Variants in TOGARAM1 observed in about 807,000 individuals in gnomAD.
TOGARAM1 encodes TOG array regulator of axonemal microtubules 1.
In TOGARAM1, 100 loss-of-function variants were observed where a neutral mutation model predicts 166.6. That is an observed-to-expected ratio of 0.60 (90% CI 0.51 to 0.71). TOGARAM1 has a LOEUF of 0.71. TOGARAM1 is among the 30% of genes least tolerant of loss of function. The pLI is 0.00. For missense variants in TOGARAM1, 2,029 were observed against 2,102.7 expected (o/e 0.96, Z 0.69); for synonymous variants, 758 against 763.8 (o/e 0.99, Z 0.13).
At chr14:45,003,952 A>G in intron 3 of TOGARAM1, 109 bp from the exon 4 acceptor site, 4 of 774,538 alleles carry the variant, frequency 5.2e-6, no homozygotes, top group Non-Finnish European at 7.9e-6. Flanking sequence ...ACAAAAATAT[A>G]CATGCCAATT....
chr14:44,984,588 C>T (rs1031837485), intron 1 of TOGARAM1, among the ~76,000 whole-genome samples: 1 of 150,912 alleles, frequency 6.6e-6, no homozygotes, highest in African/African-American at 2.4e-5. Flanking sequence ...GGGCAATATA[C>T]GAGACCCTGT....
At position 45,001,199 on chromosome 14, in the gene TOGARAM1, A is replaced by C. The variant is rs569255945; in HGVS notation, c.2338+1702A>C. On this transcript the variant is annotated intron_variant, in intron 3 of 19. Transcript: ENST00000361462. Reference sequence around the variant, plus strand: ...TTTAACTGGAGTGACATGATATCTTATTGTGGTTTTGATTTGCACTAGACC... The same window carrying C: ...TTTAACTGGAGTGACATGATATCTTCTTGTGGTTTTGATTTGCACTAGACC... Among the ~76,000 whole-genome samples the C allele has an allele frequency of 1.6e-4, 24 of 152,286 alleles. 3 individuals are homozygous for C. Among genetic ancestry groups the C allele is most frequent in the African/African-American group, 5.1e-4 (21 of 41,576 alleles).
intron 5 of TOGARAM1, 134 bp from the exon 6 acceptor site, chr14:45,008,773 ATATTAG>A (rs1176647766): frequency 3.4e-6 from 2 of 596,024 alleles, no homozygotes; most frequent in Non-Finnish European, 5.8e-6. Context: ...ATATACATAT[ATATTAG>A]TATTCATCTT....
intron 16 of TOGARAM1, among the ~76,000 whole-genome samples, chr14:45,065,441 A>G (rs1883096058): frequency 6.6e-6 from 1 of 152,226 alleles, no homozygotes; most frequent in Non-Finnish European, 1.5e-5. Flanking sequence ...CAAAAATCTC[A>G]TAATGTTTTA....
At chr14:45,001,590 AAAG>A (rs1246270786) in intron 3 of TOGARAM1, among the ~76,000 whole-genome samples, 1 of 152,210 alleles carries the variant, frequency 6.6e-6, no homozygotes, top group Non-Finnish European at 1.5e-5. Flanking sequence ...AAAATGGGCA[AAAG>A]ATCTGAGTAG....
intron 1 of TOGARAM1, 147 bp downstream of exon 1, chr14:44,964,614 A>G: frequency 1.1e-6 from 1 of 920,640 alleles, no homozygotes; most frequent in Non-Finnish European, 1.6e-6. Flanking sequence ...GTTGGTACTC[A>G]TTATAATGGT....
chr14:44,979,465 AC>A lies in TOGARAM1; in HGVS notation c.2046+15000del, dbSNP rs1402451874. On this transcript the variant is annotated intron_variant, in intron 1 of 19. Coordinates refer to ENST00000361462, the MANE Select transcript of TOGARAM1 (RefSeq NM_001308120.2). The stretch of plus-strand genomic sequence containing the variant: ...CATACTTGAGGGTGGAGCCCTCATG[AC>A]CTAATCACCTCCCAAAGGCCCTACC... Among the ~76,000 whole-genome samples the A allele has an allele frequency of 2.0e-5, 3 of 152,262 alleles. No homozygotes were observed. The East Asian group carries it at 5.8e-4, about 29-fold the overall frequency.
chr14:45,054,506 A>G lies in TOGARAM1; in HGVS notation c.4516A>G (p.Arg1506Gly). Residue 1506 changes from arginine to glycine, a missense_variant, in exon 16 of 20, where the codon AGA becomes GGA. Coordinates refer to ENST00000361462, the MANE Select transcript of TOGARAM1 (RefSeq NM_001308120.2). ...TCATACTGGCAGTGTTGGAAATACAAGATCATCATCTGTTTCTAGAGATGC... is the reference window on the plus strand; with the variant it reads ...TCATACTGGCAGTGTTGGAAATACAGGATCATCATCTGTTTCTAGAGATGC... ...RSHTGSVGNT[R>G]SSSVSRDAFN... 1 of 1,613,604 alleles carries G rather than the reference A, an allele frequency of 6.2e-7. No homozygotes were observed. Among genetic ancestry groups the G allele is most frequent in the Non-Finnish European group, 8.5e-7 (1 of 1,179,688 alleles).
intron 11 of TOGARAM1, among the ~76,000 whole-genome samples, chr14:45,036,130 TAAAAAAA>T (rs770145117): frequency 1.4e-4 from 4 of 29,178 alleles, no homozygotes; most frequent in African/African-American, 3.3e-4. Context: ...ACCTTGTCTC[TAAAAAAA>T]AAAAAAAAAA....
intron 16 of TOGARAM1, among the ~76,000 whole-genome samples, chr14:45,059,236 G>A (rs932535680): frequency 6.6e-6 from 1 of 152,074 alleles, no homozygotes; most frequent in Non-Finnish European, 1.5e-5. Context: ...CACCATGCCT[G>A]GCTAATATGT....
At position 44,963,681 on chromosome 14, in the gene TOGARAM1, A is replaced by G. The variant is rs763473895; in HGVS notation, c.1260A>G (p.Leu420=). 1 of 1,613,700 alleles carries G rather than the reference A, an allele frequency of 6.2e-7. No individual in the cohort carries two copies. The highest frequency in any genetic ancestry group is 8.5e-7 in the Non-Finnish European group (1 of 1,180,034). ...ATGGCACACTTGAAGTCCTGCATTT[A>G]CTGGTTATTCGCCTTGGAGAGCAGG... The part of the protein sequence containing the change: ...VVHGTLEVLH[L]LVIRLGEQVQ... The change falls in exon 1 of 20, where the codon TTA becomes TTG. Residue 420 remains leucine (L), a synonymous_variant. Coordinates refer to ENST00000361462, the MANE Select transcript of TOGARAM1 (RefSeq NM_001308120.2).
At chr14:45,013,424 G>A (rs1254490762) in intron 7 of TOGARAM1, among the ~76,000 whole-genome samples, 1 of 152,096 alleles carries the variant, frequency 6.6e-6, no homozygotes, top group Non-Finnish European at 1.5e-5. Flanking sequence ...GACTTAACCA[G>A]GTGTGTTTAG....
At chr14:45,023,361 T>C (rs1181068016) in intron 7 of TOGARAM1, among the ~76,000 whole-genome samples, 1 of 152,206 alleles carries the variant, frequency 6.6e-6, no homozygotes, top group Non-Finnish European at 1.5e-5. Context: ...AGCCTGATAT[T>C]TATATTGATA....
intron 11 of TOGARAM1, among the ~76,000 whole-genome samples, chr14:45,037,802 C>T (rs766798127): frequency 1.6e-4 from 24 of 150,374 alleles, no homozygotes; most frequent in African/African-American, 2.4e-4. Flanking sequence ...CTGAGGCGGG[C>T]GGATCACGAG....
chr14:45,021,417 A>C (rs1360681984), intron 7 of TOGARAM1, among the ~76,000 whole-genome samples: 2 of 152,186 alleles, frequency 1.3e-5, no homozygotes, highest in Non-Finnish European at 2.9e-5. Context: ...GCTACTGGTC[A>C]TACAGTGGCA....
At chr14:44,992,704 G>A (rs1414210518) in intron 1 of TOGARAM1, among the ~76,000 whole-genome samples, 5 of 134,806 alleles carry the variant, frequency 3.7e-5, no homozygotes, top group Non-Finnish European at 7.6e-5. Flanking sequence ...TGCAAGCTCC[G>A]CCTCCTGGCT....
intron 1 of TOGARAM1, among the ~76,000 whole-genome samples, chr14:44,970,313 T>A (rs75721453): frequency 0.012 from 1,772 of 152,306 alleles, 38 homozygotes; most frequent in African/African-American, 0.039. Context: ...AAATGGTAAT[T>A]TTTTTTAAAT....
intron 7 of TOGARAM1, among the ~76,000 whole-genome samples, chr14:45,017,276 A>G (rs989614854): frequency 2.6e-5 from 4 of 152,150 alleles, no homozygotes; most frequent in Non-Finnish European, 5.9e-5. Context: ...AGGAGAACTC[A>G]AGGCTTTGTA....
chr14:45,040,442 A>G (rs1881668981), intron 11 of TOGARAM1, among the ~76,000 whole-genome samples: 1 of 152,118 alleles, frequency 6.6e-6, no homozygotes, highest in Non-Finnish European at 1.5e-5. Flanking sequence ...AAAGGAAATA[A>G]TAAAGATCCA....
Sources: allele counts gnomAD v4.1 joint callset (sites outside exome capture counted in the v4.1 genomes callset), GRCh38; gene constraint gnomAD v4.1.1; transcripts MANE v1.5; gene names NCBI Gene and HGNC (gene_info 2026-07-23, HGNC 2026-07-21).